Variants in EEIG1 observed in about 807,000 individuals in gnomAD.
EEIG1 encodes estrogen-induced osteoclastogenesis regulator 1, also known as early estrogen-induced gene 1 protein.
chr9:127,980,524 C>G, the EEIG1 span: 1 of 152,422 alleles, frequency 6.6e-6, no homozygotes, highest in Admixed American at 6.6e-5. Flanking sequence ...CCGGGCGGAC[C>G]GGTGAGACTG....
chr9:127,950,752 C>T, the EEIG1 span: 1 of 1,365,782 alleles, frequency 7.3e-7, no homozygotes, highest in Non-Finnish European at 9.5e-7. Flanking sequence ...GAACTCACAT[C>T]CCTGAGCTGC....
At chr9:127,942,035 G>A in the EEIG1 span, 5 of 152,698 alleles carry the variant, frequency 3.3e-5, no homozygotes, top group Non-Finnish European at 7.3e-5. Context: ...GGCTTTAGTA[G>A]GGGGCAGGGC....
the EEIG1 span, chr9:127,980,069 C>A: frequency 6.2e-7 from 1 of 1,613,938 alleles, no homozygotes; most frequent in African/African-American, 1.3e-5. Context: ...CGAAGGGAAC[C>A]GCAGTCAGCT....
the EEIG1 span, among the ~76,000 whole-genome samples, chr9:127,959,818 G>T: frequency 6.6e-6 from 1 of 152,120 alleles, no homozygotes; most frequent in African/African-American, 2.4e-5. Flanking sequence ...CCCAGTCTTC[G>T]GTATTTCTTT....
At chr9:127,964,797 T>C in the EEIG1 span, among the ~76,000 whole-genome samples, 4 of 152,062 alleles carry the variant, frequency 2.6e-5, no homozygotes, top group Admixed American at 6.5e-5. Flanking sequence ...GGACAGGGGT[T>C]CTCAGATAAA....
At chr9:127,950,277 G>T in the EEIG1 span, 1 of 752,134 alleles carries the variant, frequency 1.3e-6, no homozygotes. Context: ...GTGGTTTCCT[G>T]ATTCCAGGGC....
the EEIG1 span, among the ~76,000 whole-genome samples, chr9:127,978,769 G>T: frequency 6.6e-6 from 1 of 152,050 alleles, no homozygotes; most frequent in African/African-American, 2.4e-5. Flanking sequence ...CCCAGGAGGT[G>T]GAGGTTGCAG....
chr9:127,952,781 C>T, the EEIG1 span, among the ~76,000 whole-genome samples: 417 of 152,184 alleles, frequency 2.7e-3, 1 homozygote, highest in Middle Eastern at 0.02. Flanking sequence ...GGCGCAATCT[C>T]GGCTCTCTGT....
chr9:127,962,873 G>GA, the EEIG1 span, among the ~76,000 whole-genome samples: 2 of 152,064 alleles, frequency 1.3e-5, no homozygotes, highest in African/African-American at 4.8e-5. Flanking sequence ...GATTAAAAAA[G>GA]AAAAAAGAAA....
chr9:127,943,384 G>T, the EEIG1 span: 27 of 724,288 alleles, frequency 3.7e-5, no homozygotes, highest in East Asian at 6.6e-4. Context: ...CCCCAGCGAT[G>T]GTAAGTCCCT....
chr9:127,979,358 G>A, the EEIG1 span, among the ~76,000 whole-genome samples: 1 of 152,224 alleles, frequency 6.6e-6, no homozygotes, highest in Admixed American at 6.5e-5. Context: ...GCAACAAGCT[G>A]GGCAGCTGGA....
the EEIG1 span, chr9:127,945,770 G>A: frequency 1.3e-6 from 2 of 1,529,462 alleles, no homozygotes; most frequent in Non-Finnish European, 1.8e-6. This position sits in a 1 kb window ranked among gnomAD's most constrained non-coding sequence, Gnocchi z 6.5. Flanking sequence ...GGCAGGAAGG[G>A]GCAGGGGGTG....
chr9:127,944,910 C>A, the EEIG1 span: 1 of 1,608,492 alleles, frequency 6.2e-7, no homozygotes, highest in South Asian at 1.1e-5. Context: ...TGGGTCAGGT[C>A]GTGGGGGGAC....
At chr9:127,970,924 G>A in the EEIG1 span, among the ~76,000 whole-genome samples, 10 of 152,300 alleles carry the variant, frequency 6.6e-5, no homozygotes, top group East Asian at 7.7e-4. Flanking sequence ...TTGGATTTGC[G>A]CACCTCCCCT....
At chr9:127,943,562 T>C in the EEIG1 span, 1 of 359,228 alleles carries the variant, frequency 2.8e-6, no homozygotes, top group Non-Finnish European at 5.2e-6. Context: ...GATGTGAGGG[T>C]GACCAAGAGG....
At chr9:127,949,810 G>T in the EEIG1 span, among the ~76,000 whole-genome samples, 654 of 152,342 alleles carry the variant, frequency 4.3e-3, 3 homozygotes, top group Non-Finnish European at 6.5e-3. Context: ...GCTGGTGACG[G>T]ACACCCAGAC....
the EEIG1 span, among the ~76,000 whole-genome samples, chr9:127,965,508 G>A: frequency 3.3e-5 from 5 of 152,242 alleles, no homozygotes; most frequent in South Asian, 8.3e-4. Context: ...TGACAGTGCT[G>A]GTCCCCCAGA....
chr9:127,950,116 G>A, the EEIG1 span, among the ~76,000 whole-genome samples: 1 of 152,266 alleles, frequency 6.6e-6, no homozygotes, highest in Admixed American at 6.5e-5. Flanking sequence ...TGGGGCTGCT[G>A]TCAGGGGACC....
chr9:127,942,308 T>C, the EEIG1 span: 1 of 152,486 alleles, frequency 6.6e-6, no homozygotes. Context: ...GAGGGCACGG[T>C]CGGTGCTCAG....
Sources: allele counts gnomAD v4.1 joint callset (sites outside exome capture counted in the v4.1 genomes callset), GRCh38; gene constraint gnomAD v4.1.1; non-coding constraint Gnocchi (gnomAD v3.1); transcripts MANE v1.5; gene names NCBI Gene and HGNC (gene_info 2026-07-23, HGNC 2026-07-21).